Variants in TIAM1 observed in about 807,000 individuals in gnomAD.
TIAM1 encodes rho guanine nucleotide exchange factor TIAM1.
In TIAM1, 65 loss-of-function variants were observed where a neutral mutation model predicts 163.5. The observed-to-expected ratio is 0.40, with a 90% CI of 0.33 to 0.49. TIAM1 has a LOEUF of 0.49. Among genes scored for constraint, TIAM1 ranks in the 20% least tolerant of loss-of-function variants. TIAM1 has a pLI of 0.77. For synonymous variants in TIAM1, 833 were observed against 810.1 expected, an observed-to-expected ratio of 1.03 and a Z score of -0.48; for missense variants, 1,789 against 2,044.7, an observed-to-expected ratio of 0.87 and a Z score of 2.41.
chr21:31,151,977 C>A (rs2083391910), intron 19 of TIAM1, among the ~76,000 whole-genome samples: 1 of 150,218 alleles, frequency 6.7e-6, no homozygotes, highest in Non-Finnish European at 1.5e-5. Context: ...CAAAGTTTCC[C>A]AGAACACGAT....
chr21:31,337,650 G>T (rs2147085440), intron 2 of TIAM1, among the ~76,000 whole-genome samples: 1 of 151,892 alleles, frequency 6.6e-6, no homozygotes, highest in African/African-American at 2.4e-5. Context: ...TCCCGCCTCA[G>T]CCTCCCGCGT....
chr21:31,505,555 T>C (rs2046994770), intron 1 of TIAM1, among the ~76,000 whole-genome samples: 1 of 152,052 alleles, frequency 6.6e-6, no homozygotes, highest in African/African-American at 2.4e-5. Flanking sequence ...CTGGAGCCCA[T>C]GGAATTGGAA....
At chr21:31,325,078 G>C (rs2075439244) in intron 2 of TIAM1, among the ~76,000 whole-genome samples, 1 of 151,428 alleles carries the variant, frequency 6.6e-6, no homozygotes, top group Non-Finnish European at 1.5e-5. Flanking sequence ...CCAGGAGTTC[G>C]AGACCAGCCT....
intron 2 of TIAM1, among the ~76,000 whole-genome samples, chr21:31,318,380 C>T (rs2075199016): frequency 6.6e-6 from 1 of 152,270 alleles, no homozygotes; most frequent in Non-Finnish European, 1.5e-5. Flanking sequence ...GCTGGGATTA[C>T]AGGCGTGAGC....
At chr21:31,259,933 G>A (rs1292112344) in intron 4 of TIAM1, among the ~76,000 whole-genome samples, 3 of 151,322 alleles carry the variant, frequency 2.0e-5, no homozygotes, top group African/African-American at 7.3e-5. Context: ...TTATTTTAGA[G>A]AATAAAATAT....
intron 4 of TIAM1, among the ~76,000 whole-genome samples, chr21:31,253,356 A>C (rs2071920946): frequency 6.6e-6 from 1 of 152,152 alleles, no homozygotes; most frequent in South Asian, 2.1e-4. Flanking sequence ...GTAAAAACTA[A>C]CCAGATATTC....
At position 31,176,980 on chromosome 21, in the gene TIAM1, G is replaced by C. The variant is rs75110852; in HGVS notation, c.2887+5441C>G. Among the ~76,000 whole-genome samples, 1,224 of 152,296 alleles carry C rather than the reference G, an allele frequency of 8.0e-3. 17 individuals are homozygous for C. Among genetic ancestry groups the C allele is most frequent in the African/African-American group, 0.028 (1,166 of 41,562 alleles). ...ACTCGAGAAAGGAAAATATGAACAA[G>C]CTGTAATTCACAAACTTAGTTATCA... On this transcript the variant is annotated intron_variant, in intron 15 of 27. Transcript: ENST00000541036.
chr21:31,489,353 G>A (rs1156242571), intron 1 of TIAM1, among the ~76,000 whole-genome samples: 1 of 120,334 alleles, frequency 8.3e-6, no homozygotes, highest in Non-Finnish European at 1.7e-5. Flanking sequence ...GTTGGTGACA[G>A]ACAAGGTTGG....
intron 10 of TIAM1, among the ~76,000 whole-genome samples, chr21:31,211,326 G>A (rs149917287): frequency 2.6e-5 from 4 of 152,258 alleles, no homozygotes; most frequent in East Asian, 1.9e-4. Context: ...ACAATGTTAG[G>A]AGCCCCGCGA....
At chr21:31,217,417 C>T in intron 9 of TIAM1, 136 bp downstream of exon 9, 2 of 1,206,572 alleles carry the variant, frequency 1.7e-6, no homozygotes, top group South Asian at 3.1e-5. Flanking sequence ...AAGTGTCTAG[C>T]ACAGCTAGTT....
intron 2 of TIAM1, among the ~76,000 whole-genome samples, chr21:31,281,211 C>T (rs966026696): frequency 6.6e-6 from 1 of 151,724 alleles, no homozygotes; most frequent in Non-Finnish European, 1.5e-5. Flanking sequence ...ATTGTATTTG[C>T]CCTCAAAATA....
At chr21:31,377,982 CA>C (rs2076716323) in intron 2 of TIAM1, among the ~76,000 whole-genome samples, 1 of 151,592 alleles carries the variant, frequency 6.6e-6, no homozygotes, top group Admixed American at 6.6e-5. Flanking sequence ...ACTAAAAATA[CA>C]AAATTAGTCG....
At chr21:31,373,631 A>C (rs2076636313) in intron 2 of TIAM1, among the ~76,000 whole-genome samples, 1 of 152,196 alleles carries the variant, frequency 6.6e-6, no homozygotes, top group Non-Finnish European at 1.5e-5. Context: ...AGAAAAGAAC[A>C]GGGAAGAAAC....
intron 2 of TIAM1, among the ~76,000 whole-genome samples, chr21:31,284,589 G>A (rs950822325): frequency 2.0e-5 from 3 of 152,044 alleles, no homozygotes; most frequent in African/African-American, 7.2e-5. Flanking sequence ...TGCGATCTTG[G>A]CTCACCGCAA....
chr21:31,280,579 G>C (rs2833361), intron 2 of TIAM1, among the ~76,000 whole-genome samples: 12,593 of 152,076 alleles, frequency 0.083, 1,330 homozygotes, highest in African/African-American at 0.25. Context: ...TGTCAAATAA[G>C]CAGTTTTCAC....
chr21:31,508,099 C>A (rs557377061), intron 1 of TIAM1, among the ~76,000 whole-genome samples: 1 of 152,184 alleles, frequency 6.6e-6, no homozygotes, highest in Non-Finnish European at 1.5e-5. Flanking sequence ...CAGCTGCACA[C>A]TGAGGAAGCC....
chr21:31,208,929 A>G, intron 11 of TIAM1, among the ~76,000 whole-genome samples: 1 of 151,980 alleles, frequency 6.6e-6, no homozygotes, highest in Non-Finnish European at 1.5e-5. Context: ...CTTCTAGGAT[A>G]AAATTGTGAT....
chr21:31,547,331 T>C (rs1223918230), intron 1 of TIAM1, among the ~76,000 whole-genome samples: 1 of 152,228 alleles, frequency 6.6e-6, no homozygotes, highest in Non-Finnish European at 1.5e-5. Flanking sequence ...CATTTGTGTA[T>C]TCTTACTTGA....
At chr21:31,544,529 G>A (rs964831985) in intron 1 of TIAM1, among the ~76,000 whole-genome samples, 10 of 152,254 alleles carry the variant, frequency 6.6e-5, no homozygotes, top group African/African-American at 2.4e-4. Flanking sequence ...TCAGGAGGCT[G>A]AGGCAGGAGA....
Sources: allele counts gnomAD v4.1 joint callset (sites outside exome capture counted in the v4.1 genomes callset), GRCh38; gene constraint gnomAD v4.1.1; transcripts MANE v1.5; gene names NCBI Gene and HGNC (gene_info 2026-07-23, HGNC 2026-07-21).